ASZ1: variants seen among roughly 807,000 people sequenced by gnomAD.
The protein encoded by ASZ1 is ankyrin repeat, SAM and basic leucine zipper domain containing 1.
ASZ1 carries 67 observed loss-of-function variants against 61.8 expected under a neutral mutation model. That is an observed-to-expected ratio of 1.08 (90% CI 0.89 to 1.33). The LOEUF is 1.33. Ranked by LOEUF, ASZ1 falls within the 40% of genes most tolerant of loss-of-function variation. ASZ1 has a pLI of 0.00. For synonymous variants in ASZ1, 193 were observed against 192.7 expected (o/e 1.00, Z -0.01); for missense variants, 577 against 554.5 (o/e 1.04, Z -0.41).
chr7:117,386,596 C>G (rs572980059), intron 4 of ASZ1, among the ~76,000 whole-genome samples: 1 of 152,096 alleles, frequency 6.6e-6, no homozygotes, highest in Non-Finnish European at 1.5e-5. Flanking sequence ...CCCAATTTTC[C>G]TGAGTCGTCC....
chr7:117,367,167 G>A (rs183913767), intron 12 of ASZ1, among the ~76,000 whole-genome samples, 185 bp downstream of exon 12: 2 of 152,204 alleles, frequency 1.3e-5, no homozygotes, highest in African/African-American at 2.4e-5. Flanking sequence ...CTTTTAGTAC[G>A]CATTTGCTTA....
At chr7:117,368,178 G>A in intron 11 of ASZ1, 2 of 843,958 alleles carry the variant, frequency 2.4e-6, no homozygotes, top group South Asian at 5.4e-5. Context: ...TCTCCCACGT[G>A]GGCCTCCCAA....
chr7:117,380,630 G>T (rs1796232557), intron 9 of ASZ1, among the ~76,000 whole-genome samples: 1 of 151,050 alleles, frequency 6.6e-6, no homozygotes, highest in African/African-American at 2.4e-5. Flanking sequence ...CAAAATAAAA[G>T]GTCTCAGTTT....
intron 10 of ASZ1, among the ~76,000 whole-genome samples, chr7:117,379,345 GA>G (rs1796207784): frequency 6.6e-6 from 1 of 151,044 alleles, no homozygotes; most frequent in African/African-American, 2.4e-5. Flanking sequence ...GTGTATCTTT[GA>G]AATATCCCAA....
chr7:117,367,682 C>A (rs567045136), intron 11 of ASZ1: 2 of 1,009,304 alleles, frequency 2.0e-6, no homozygotes, highest in South Asian at 4.8e-5. Context: ...GTATATATAA[C>A]TTTCTATATG....
chr7:117,387,273 A>C (rs941857571), intron 4 of ASZ1, among the ~76,000 whole-genome samples: 1 of 151,678 alleles, frequency 6.6e-6, no homozygotes, highest in Non-Finnish European at 1.5e-5. Context: ...GTGCCACTGC[A>C]CTCCAGCCTA....
At chr7:117,419,180 G>A (rs1797054085) in intron 4 of ASZ1, among the ~76,000 whole-genome samples, 2 of 152,064 alleles carry the variant, frequency 1.3e-5, no homozygotes, top group African/African-American at 4.8e-5. Flanking sequence ...CTATCCACTA[G>A]GTACCAGTAG....
intron 2 of ASZ1, among the ~76,000 whole-genome samples, chr7:117,426,259 A>G (rs1231358908): frequency 6.6e-6 from 1 of 151,604 alleles, no homozygotes; most frequent in Non-Finnish European, 1.5e-5. Flanking sequence ...AGACAGGCGG[A>G]TCACAAGGTC....
At chr7:117,380,985 C>T (rs747403334) in intron 9 of ASZ1, 26 bp downstream of exon 9, 6 of 1,534,616 alleles carry the variant, frequency 3.9e-6, no homozygotes, top group East Asian at 2.3e-5. Context: ...AACAATGTAT[C>T]GGGAATTTTT....
intron 10 of ASZ1, among the ~76,000 whole-genome samples, chr7:117,377,837 G>T (rs1584720481): frequency 2.0e-5 from 3 of 152,040 alleles, no homozygotes; most frequent in African/African-American, 7.2e-5. Context: ...CTTTCAGAGG[G>T]ATAGACACAT....
At chr7:117,392,992 G>A (rs552582952) in intron 4 of ASZ1, among the ~76,000 whole-genome samples, 31 of 151,896 alleles carry the variant, frequency 2.0e-4, no homozygotes, top group Middle Eastern at 3.4e-3. Flanking sequence ...AACTACAGGC[G>A]CATGCCACCA....
intron 1 of ASZ1, 141 bp from the exon 2 acceptor site, chr7:117,427,076 T>A: frequency 9.8e-7 from 1 of 1,020,144 alleles, no homozygotes; most frequent in Non-Finnish European, 1.4e-6. Flanking sequence ...TGAAAAGAAT[T>A]CGTGTCGAAA....
intron 4 of ASZ1, among the ~76,000 whole-genome samples, chr7:117,397,679 C>A (rs757769591): frequency 1.1e-4 from 16 of 152,170 alleles, no homozygotes; most frequent in Admixed American, 2.6e-4. Flanking sequence ...GGTCTGAAGG[C>A]AGAGAACATA....
At chr7:117,397,553 T>G (rs552003564) in intron 4 of ASZ1, among the ~76,000 whole-genome samples, 133 of 152,344 alleles carry the variant, frequency 8.7e-4, no homozygotes, top group African/African-American at 3.0e-3. Flanking sequence ...GTAAATGTTT[T>G]CAATTTTTTC....
chr7:117,383,589 A>G (rs1323219625), intron 6 of ASZ1, among the ~76,000 whole-genome samples: 24 of 152,022 alleles, frequency 1.6e-4, no homozygotes, highest in Admixed American at 1.4e-3. Context: ...AATGTATACA[A>G]ATCCTAACTG....
At chr7:117,367,546 T>C in intron 11 of ASZ1, 81 bp from the exon 12 acceptor site, 1 of 1,242,286 alleles carries the variant, frequency 8.0e-7, no homozygotes, top group Non-Finnish European at 1.0e-6. Flanking sequence ...TTATACAACA[T>C]TCTTAAACAT....
intron 1 of ASZ1, among the ~76,000 whole-genome samples, chr7:117,427,141 G>A (rs896815280): frequency 3.3e-5 from 5 of 152,134 alleles, no homozygotes; most frequent in East Asian, 3.9e-4. Flanking sequence ...GAGGAGTTAC[G>A]ATGACCTAAA....
chr7:117,385,281 T>C (rs769710747), intron 5 of ASZ1, among the ~76,000 whole-genome samples: 1 of 151,954 alleles, frequency 6.6e-6, no homozygotes. Context: ...TTTTTTGAGA[T>C]GGAGTTTCGC....
intron 4 of ASZ1, among the ~76,000 whole-genome samples, chr7:117,405,418 C>T (rs1238855807): frequency 3.3e-5 from 5 of 152,210 alleles, no homozygotes; most frequent in Non-Finnish European, 5.9e-5. Flanking sequence ...CACGGCTCCT[C>T]GACACACAGG....
Sources: gnomAD v4.1 joint callset for allele counts (sites outside exome capture counted in the v4.1 genomes callset) on GRCh38, gnomAD v4.1.1 for gene constraint, MANE v1.5 for transcripts, NCBI Gene and HGNC (gene_info 2026-07-23, HGNC 2026-07-21) for gene names.